FAM107B: variants seen among roughly 807,000 people sequenced by gnomAD.
FAM107B encodes the protein family with sequence similarity 107 member B, also known as protein FAM107B.
A neutral mutation model predicts 31.5 loss-of-function variants in FAM107B; 21 were observed. The observed-to-expected ratio is 0.67, with a 90% CI of 0.47 to 0.96. FAM107B has a LOEUF of 0.96. Among genes scored for constraint, FAM107B ranks in the 40% least tolerant of loss-of-function variants. The pLI, the probability that FAM107B is intolerant of heterozygous loss-of-function variation, is 0.00. For synonymous variants in FAM107B, 157 were observed against 141.5 expected (o/e 1.11, Z -0.78); for missense variants, 452 against 377.1 (o/e 1.20, Z -1.64).
At chr10:14,731,588 T>A (rs967531817) in intron 1 of FAM107B, among the ~76,000 whole-genome samples, 7 of 151,752 alleles carry the variant, frequency 4.6e-5, no homozygotes, top group African/African-American at 1.7e-4. Context: ...AATAAATGAG[T>A]TTACAAGAAA....
At chr10:14,682,366 T>C (rs916470221) in intron 1 of FAM107B, among the ~76,000 whole-genome samples, 2 of 151,980 alleles carry the variant, frequency 1.3e-5, no homozygotes, top group African/African-American at 4.8e-5. Context: ...TCGCCTCTAC[T>C]AAAAACATAA....
intron 1 of FAM107B, among the ~76,000 whole-genome samples, chr10:14,694,728 A>G (rs574043824): frequency 6.6e-6 from 1 of 152,302 alleles, no homozygotes; most frequent in East Asian, 1.9e-4. Context: ...GAAATTTCAT[A>G]GTGGTTTTCA....
Position 14,774,841 on chromosome 10 carries a change from C to T in FAM107B, c.-178G>A. ...GCCACCTTCCCTGAGAGTCACTTAG[C>T]CGCTGGGGCCCCTTTGAAAGTGTCC... On this transcript the variant is annotated 5_prime_UTR_variant, in exon 1 of 5. Coordinates refer to ENST00000181796, the MANE Select transcript of FAM107B (RefSeq NM_031453.4). 1.5e-6 allele frequency: 1 copy of T among 681,106 alleles called. No individual in the cohort carries two copies. The highest frequency in any genetic ancestry group is 2.8e-5 in the East Asian group (1 of 36,042). 42.2% of individuals were successfully genotyped at this position (681,106 alleles called of 1,614,324 possible). A position where few individuals can be genotyped will look rare whatever the true frequency, so the allele number is the denominator to read the frequency against.
At chr10:14,732,774 A>G (rs1856202973) in intron 1 of FAM107B, among the ~76,000 whole-genome samples, 1 of 148,198 alleles carries the variant, frequency 6.7e-6, no homozygotes. Context: ...ATAACATAAT[A>G]TATTCTATAG....
intron 1 of FAM107B, among the ~76,000 whole-genome samples, chr10:14,767,785 C>T (rs1364467353): frequency 1.3e-5 from 2 of 152,174 alleles, no homozygotes; most frequent in Non-Finnish European, 2.9e-5. Context: ...TACTTTGCCA[C>T]TTCTATTCAA....
In FAM107B at chr10:14,682,530, A is replaced by AAAAT. The variant is rs1336040214; in HGVS notation, c.412-14843_412-14840dup. 8.3e-4 allele frequency among the ~76,000 whole-genome samples: 127 copies of AAAAT among 152,328 alleles called. 1 individual carries two copies. The highest frequency in any genetic ancestry group is 2.9e-3 in the African/African-American group (120 of 41,570). On this transcript the variant is annotated intron_variant, in intron 1 of 4. Transcript: ENST00000181796. ...GGCAACAGAGTGAGACTCCATCTCA[A>AAAAT]AAATAAATAAATAAATAAAACTATG...
At chr10:14,682,429 T>C (rs528339161) in intron 1 of FAM107B, among the ~76,000 whole-genome samples, 1 of 152,316 alleles carries the variant, frequency 6.6e-6, no homozygotes, top group Non-Finnish European at 1.5e-5. Flanking sequence ...CTCAGGAGGC[T>C]GAGGCAAGAG....
intron 2 of FAM107B, among the ~76,000 whole-genome samples, chr10:14,577,693 C>T (rs949409981): frequency 3.3e-5 from 5 of 152,182 alleles, no homozygotes; most frequent in East Asian, 1.9e-4. Flanking sequence ...AGCCTTGAAA[C>T]TCAGATCTGT....
intron 1 of FAM107B, among the ~76,000 whole-genome samples, chr10:14,678,821 C>G (rs957120019): frequency 3.9e-5 from 6 of 152,212 alleles, no homozygotes; most frequent in Non-Finnish European, 8.8e-5. Flanking sequence ...GGGTGAGTCC[C>G]TGGTGAATAC....
Position 14,520,966 on chromosome 10 carries a change from T to C in FAM107B, c.*224A>G. The stretch of plus-strand genomic sequence containing the variant: ...TAAGTCTCTGAACACAGGTCCATCA[T>C]TCCAACTTACGTGCGGGGCACTGCC... On this transcript the variant is annotated 3_prime_UTR_variant, in exon 5 of 5. Transcript: ENST00000181796. 1 of 468,798 alleles carries C rather than the reference T, an allele frequency of 2.1e-6. No individual in the cohort carries two copies. Among genetic ancestry groups the C allele is most frequent in the South Asian group, 4.0e-5 (1 of 25,126 alleles). The allele number at this position is 468,798 out of a possible 1,614,324, so 29.0% of individuals were successfully genotyped here. A position where few individuals can be genotyped will look rare whatever the true frequency, so the allele number is the denominator to read the frequency against.
At chr10:14,670,976 C>G (rs1285911731) in intron 1 of FAM107B, among the ~76,000 whole-genome samples, 1 of 152,232 alleles carries the variant, frequency 6.6e-6, no homozygotes, top group Non-Finnish European at 1.5e-5. Context: ...AAAATGACAA[C>G]AGTCCAACTG....
chr10:14,547,877 G>A (rs1487583823), intron 2 of FAM107B, among the ~76,000 whole-genome samples: 1 of 152,242 alleles, frequency 6.6e-6, no homozygotes, highest in East Asian at 1.9e-4. Context: ...TGAAAACTGA[G>A]CGTGAGGACA....
At chr10:14,572,256 G>A (rs766510198) in intron 2 of FAM107B, 283 of 985,368 alleles carry the variant, frequency 2.9e-4, no homozygotes, top group Non-Finnish European at 3.3e-4. Context: ...CGTGCTGGCA[G>A]CACTGGTGAA....
chr10:14,753,730 G>A (rs1832874196), intron 1 of FAM107B, among the ~76,000 whole-genome samples: 1 of 152,062 alleles, frequency 6.6e-6, no homozygotes, highest in African/African-American at 2.4e-5. Flanking sequence ...TCTTCCATGA[G>A]AATGATAAAT....
At chr10:14,687,129 G>T (rs1855009117) in intron 1 of FAM107B, among the ~76,000 whole-genome samples, 1 of 152,184 alleles carries the variant, frequency 6.6e-6, no homozygotes, top group Admixed American at 6.5e-5. Flanking sequence ...TCTAAATAAT[G>T]TGCTTCCTAC....
At chr10:14,609,551 C>T (rs1458540482) in intron 2 of FAM107B, among the ~76,000 whole-genome samples, 2 of 152,180 alleles carry the variant, frequency 1.3e-5, no homozygotes, top group Non-Finnish European at 2.9e-5. Flanking sequence ...TCAGCAAATC[C>T]TTCTATGCTT....
intron 1 of FAM107B, among the ~76,000 whole-genome samples, chr10:14,754,237 C>A (rs1222434298): frequency 6.6e-6 from 1 of 152,184 alleles, no homozygotes; most frequent in Non-Finnish European, 1.5e-5. Context: ...CCTTGCCCGG[C>A]CACCAGTGAA....
In FAM107B at chr10:14,687,214, G is replaced by A. The variant is rs149522632; in HGVS notation, c.412-19523C>T. 3.3e-3 allele frequency among the ~76,000 whole-genome samples: 499 copies of A among 152,268 alleles called. 7 individuals are homozygous for A. In the East Asian group the frequency reaches 0.049, roughly 15 times the overall value. On this transcript the variant is annotated intron_variant, in intron 1 of 4. Coordinates refer to ENST00000181796, the MANE Select transcript of FAM107B (RefSeq NM_031453.4). Reference sequence around the variant, plus strand: ...CGAGGGTCAGGAGACACATGTTCCCGTACAACATAATTACATGAACCTGAC... The same window carrying A: ...CGAGGGTCAGGAGACACATGTTCCCATACAACATAATTACATGAACCTGAC...
At chr10:14,598,099 C>A (rs1437471507) in intron 2 of FAM107B, among the ~76,000 whole-genome samples, 3 of 152,146 alleles carry the variant, frequency 2.0e-5, no homozygotes, top group Non-Finnish European at 2.9e-5. Flanking sequence ...ATGTAGTTTG[C>A]CAACATTTTT....
Sources: gnomAD v4.1 joint callset for allele counts (sites outside exome capture counted in the v4.1 genomes callset) on GRCh38, gnomAD v4.1.1 for gene constraint, MANE v1.5 for transcripts, NCBI Gene and HGNC (gene_info 2026-07-23, HGNC 2026-07-21) for gene names.